Variants in ZBTB20 observed in about 807,000 individuals in gnomAD.
ZBTB20 encodes the protein zinc finger and BTB domain-containing protein 20.
ZBTB20 carries 9 observed loss-of-function variants against 56.9 expected under a neutral mutation model. The ratio of observed to expected loss-of-function variants is 0.16; its 90% CI spans 0.10 to 0.28. The LOEUF is 0.28. ZBTB20 is among the 10% of genes least tolerant of loss of function. The pLI is 1.00. For missense variants in ZBTB20, 655 were observed against 1,003.0 expected, an observed-to-expected ratio of 0.65 and a Z score of 4.69; for synonymous variants, 417 against 420.7, an observed-to-expected ratio of 0.99 and a Z score of 0.11.
chr3:115,097,701 G>C (rs1289435901), intron 1 of ZBTB20, among the ~76,000 whole-genome samples: 2 of 152,158 alleles, frequency 1.3e-5, no homozygotes, highest in Non-Finnish European at 2.9e-5. Context: ...TAAACAGGCA[G>C]ATATCATGTG....
chr3:114,689,088 G>C (rs1411909863), intron 6 of ZBTB20, among the ~76,000 whole-genome samples: 10 of 152,124 alleles, frequency 6.6e-5, no homozygotes, highest in Admixed American at 6.6e-4. Context: ...GGAATGAGCT[G>C]ACTACAGAAC....
chr3:114,762,367 G>A (rs1187923120), intron 5 of ZBTB20, among the ~76,000 whole-genome samples: 1 of 152,124 alleles, frequency 6.6e-6, no homozygotes, highest in African/African-American at 2.4e-5. Context: ...GCACTCTGAT[G>A]CCCTCTCCAC....
At chr3:114,702,711 T>C (rs558800270) in intron 5 of ZBTB20, among the ~76,000 whole-genome samples, 13 of 150,212 alleles carry the variant, frequency 8.7e-5, no homozygotes, top group African/African-American at 3.2e-4. Context: ...AAAGGACTTT[T>C]ACTATGTTAT....
At chr3:114,487,139 T>C (rs2042234625) in intron 7 of ZBTB20, among the ~76,000 whole-genome samples, 1 of 152,208 alleles carries the variant, frequency 6.6e-6, no homozygotes, top group South Asian at 2.1e-4. Flanking sequence ...CCCCAGCTTC[T>C]GAGTATAAAC....
intron 4 of ZBTB20, among the ~76,000 whole-genome samples, chr3:114,885,572 CTTT>C (rs5851939): frequency 6.6e-6 from 1 of 150,604 alleles, no homozygotes. Context: ...ATAGTTTCTT[CTTT>C]TTTTTTTTTC....
intron 6 of ZBTB20, among the ~76,000 whole-genome samples, chr3:114,545,351 T>C (rs756743107): frequency 4.6e-5 from 7 of 152,186 alleles, no homozygotes; most frequent in Admixed American, 1.3e-4. Flanking sequence ...CTACCATTTG[T>C]ATACCACTTT....
At chr3:114,497,781 G>C (rs1431314738) in intron 7 of ZBTB20, among the ~76,000 whole-genome samples, 1 of 152,170 alleles carries the variant, frequency 6.6e-6, no homozygotes, top group East Asian at 1.9e-4. Flanking sequence ...CAAGCACAGT[G>C]ACTAGCTTTC....
rs1486452903 is a variant in ZBTB20, at chr3:114,329,609, T to A, written c.*9396A>T. 7.3e-5 allele frequency: 11 copies of A among 150,496 alleles called. No homozygotes were observed. Among genetic ancestry groups the A allele is most frequent in the African/African-American group, 2.7e-4 (11 of 41,006 alleles). 9.3% of individuals were successfully genotyped at this position (150,496 alleles called of 1,614,324 possible). ...ACCCAAGAGCCACCATTTTACGGATTCCTCAGATTTAAAAATGTCTCAGAT... is the reference window on the plus strand; with the variant it reads ...ACCCAAGAGCCACCATTTTACGGATACCTCAGATTTAAAAATGTCTCAGAT... On this transcript the variant is annotated 3_prime_UTR_variant, in exon 12 of 12. Transcript: ENST00000675478.
intron 4 of ZBTB20, among the ~76,000 whole-genome samples, chr3:114,892,660 A>AG (rs2076860916): frequency 6.6e-6 from 1 of 151,490 alleles, no homozygotes; most frequent in Non-Finnish European, 1.5e-5. Context: ...AGTTGCAAAA[A>AG]AACAAGCAGG....
At chr3:114,752,735 C>G (rs1190550386) in intron 5 of ZBTB20, among the ~76,000 whole-genome samples, 2 of 152,174 alleles carry the variant, frequency 1.3e-5, no homozygotes, top group East Asian at 3.9e-4. Context: ...ACTCTCTGAC[C>G]TTTTGAAGGA....
At chr3:114,680,674 T>C (rs1423118384) in intron 6 of ZBTB20, among the ~76,000 whole-genome samples, 3 of 152,194 alleles carry the variant, frequency 2.0e-5, no homozygotes, top group Non-Finnish European at 4.4e-5. Flanking sequence ...TATGAAAATG[T>C]TTTCTGTTAA....
chr3:115,145,920 G>A (rs1198323444), intron 1 of ZBTB20, among the ~76,000 whole-genome samples: 1 of 152,158 alleles, frequency 6.6e-6, no homozygotes, highest in East Asian at 1.9e-4. Flanking sequence ...AAAACATTGG[G>A]TGAATGGCCT....
At chr3:114,710,484 A>G (rs2063997683) in intron 5 of ZBTB20, among the ~76,000 whole-genome samples, 1 of 152,060 alleles carries the variant, frequency 6.6e-6, no homozygotes, top group Non-Finnish European at 1.5e-5. Context: ...CTCTTTCCCA[A>G]ATCTGCTCAT....
chr3:114,917,827 C>T (rs1389842398), intron 3 of ZBTB20, among the ~76,000 whole-genome samples: 2 of 152,162 alleles, frequency 1.3e-5, no homozygotes. Context: ...TGGGTCTGAC[C>T]TGAGGCCAGC....
At chr3:115,137,982 C>T (rs1471634571) in intron 1 of ZBTB20, among the ~76,000 whole-genome samples, 2 of 151,978 alleles carry the variant, frequency 1.3e-5, no homozygotes, top group South Asian at 2.1e-4. Flanking sequence ...TCTTTGTTTT[C>T]GAAACTCTCA....
intron 8 of ZBTB20, among the ~76,000 whole-genome samples, chr3:114,384,106 CTCTCTCTCTCTCTCTCTCTCTCAT>C (rs1427329767): frequency 7.2e-5 from 10 of 138,574 alleles, no homozygotes; most frequent in Non-Finnish European, 1.5e-4. Flanking sequence ...CTCATTCTCT[CTCTCTCTCTCTCTCTCTCTCTCAT>C]TCTCTCTCTC....
At chr3:114,963,191 A>G (rs2077519528) in intron 3 of ZBTB20, among the ~76,000 whole-genome samples, 2 of 152,086 alleles carry the variant, frequency 1.3e-5, no homozygotes, top group African/African-American at 2.4e-5. Context: ...TAATGTCCCA[A>G]TCTGCTAGGT....
intron 1 of ZBTB20, among the ~76,000 whole-genome samples, chr3:115,121,384 T>C (rs2084177389): frequency 6.6e-6 from 1 of 151,742 alleles, no homozygotes. Flanking sequence ...TTTTCTGGAG[T>C]AGCTGAACTG....
intron 5 of ZBTB20, among the ~76,000 whole-genome samples, chr3:114,700,133 T>TA (rs2108368444): frequency 6.6e-6 from 1 of 152,234 alleles, no homozygotes; most frequent in East Asian, 1.9e-4. Context: ...TTTTGACTCT[T>TA]TAGAGTCTTT....
Sources: gnomAD v4.1 joint callset for allele counts (sites outside exome capture counted in the v4.1 genomes callset) on GRCh38, gnomAD v4.1.1 for gene constraint, MANE v1.5 for transcripts, NCBI Gene and HGNC (gene_info 2026-07-23, HGNC 2026-07-21) for gene names.